The following FHIT variants were observed in gnomAD, a reference collection of about 807,000 sequenced individuals.
FHIT encodes fragile histidine triad diadenosine triphosphatase, also known as bis(5'-adenosyl)-triphosphatase.
Under a neutral mutation model 17.9 loss-of-function variants are expected in FHIT, and 19 were observed. The ratio of observed to expected loss-of-function variants is 1.06; its 90% CI spans 0.74 to 1.56. The LOEUF (loss-of-function observed/expected upper bound fraction) is 1.56, where lower values mean the gene tolerates loss of function less well. Ranked by LOEUF, FHIT falls within the 40% of genes most tolerant of loss-of-function variation. The pLI, the probability that FHIT is intolerant of heterozygous loss-of-function variation, is 0.00. For synonymous variants in FHIT, 81 were observed against 69.7 expected, an observed-to-expected ratio of 1.16 and a Z score of -0.81; for missense variants, 248 against 189.2, an observed-to-expected ratio of 1.31 and a Z score of -1.82.
At chr3:60,471,458 T>C (rs2033085371) in intron 5 of FHIT, among the ~76,000 whole-genome samples, 1 of 152,186 alleles carries the variant, frequency 6.6e-6, no homozygotes, top group Non-Finnish European at 1.5e-5. Flanking sequence ...TGCTGAGTTC[T>C]TCCTGGTGTT....
At chr3:60,030,218 AC>A (rs1047682396) in intron 5 of FHIT, among the ~76,000 whole-genome samples, 124 of 152,298 alleles carry the variant, frequency 8.1e-4, no homozygotes, top group Middle Eastern at 3.4e-3. Context: ...TAACATCAAT[AC>A]CATGCATGTT....
At chr3:61,036,996 C>A (rs1282490049) in intron 3 of FHIT, among the ~76,000 whole-genome samples, 1 of 151,288 alleles carries the variant, frequency 6.6e-6, no homozygotes, top group Non-Finnish European at 1.5e-5. Context: ...ACTGCAAGCT[C>A]CGCCTCCCGA....
At chr3:60,595,873 A>AGGAGTGTGTGAG (rs1193772671) in intron 4 of FHIT, among the ~76,000 whole-genome samples, 4 of 151,914 alleles carry the variant, frequency 2.6e-5, no homozygotes, top group Non-Finnish European at 4.4e-5. Flanking sequence ...CCTGGCCTTA[A>AGGAGTGTGTGAG]GAGATCCTCC....
chr3:59,794,930 T>A (rs1191834964), intron 8 of FHIT, among the ~76,000 whole-genome samples: 1 of 152,174 alleles, frequency 6.6e-6, no homozygotes, highest in East Asian at 1.9e-4. Context: ...AGCAGTATGA[T>A]CTTAGATAAG....
chr3:60,940,752 G>A (rs1708377076), intron 3 of FHIT, among the ~76,000 whole-genome samples: 1 of 152,246 alleles, frequency 6.6e-6, no homozygotes, highest in East Asian at 1.9e-4. Context: ...AAATGCTCTG[G>A]AAGTTATGAA....
At chr3:61,040,750 G>C (rs2033467963) in intron 3 of FHIT, among the ~76,000 whole-genome samples, 1 of 152,166 alleles carries the variant, frequency 6.6e-6, no homozygotes, top group Admixed American at 6.5e-5. Context: ...AACACTTTCA[G>C]ACATCCCATC....
chr3:60,027,138 C>A (rs201354356), intron 5 of FHIT, among the ~76,000 whole-genome samples: 25,189 of 118,434 alleles, frequency 0.21, 3,003 homozygotes, highest in East Asian at 0.34. Flanking sequence ...CACACACACA[C>A]ACACACACAC....
chr3:59,763,742 T>G (rs1701646268), intron 8 of FHIT, among the ~76,000 whole-genome samples: 1 of 58,828 alleles, frequency 1.7e-5, no homozygotes, highest in African/African-American at 4.5e-5. Flanking sequence ...AGCTGAGGAG[T>G]GGCAAGTGCA....
chr3:59,749,831 T>G (rs186177683), intron 9 of FHIT: 16 of 225,612 alleles, frequency 7.1e-5, no homozygotes, highest in African/African-American at 2.9e-4. Context: ...AAGGGAGGTA[T>G]AGTTAGTCCC....
chr3:59,835,868 C>T (rs147643178), intron 8 of FHIT, among the ~76,000 whole-genome samples: 89 of 152,128 alleles, frequency 5.9e-4, no homozygotes, highest in Non-Finnish European at 7.1e-4. Flanking sequence ...TTTGGCCAAG[C>T]GGTACATTAC....
intron 5 of FHIT, among the ~76,000 whole-genome samples, chr3:60,497,939 A>G (rs539962701): frequency 6.6e-6 from 1 of 152,256 alleles, no homozygotes; most frequent in African/African-American, 2.4e-5. Context: ...AGTGCAGAGG[A>G]TGGCAAACTT....
intron 2 of FHIT, among the ~76,000 whole-genome samples, chr3:61,070,045 G>A (rs574624117): frequency 2.0e-4 from 30 of 152,194 alleles, no homozygotes; most frequent in African/African-American, 5.1e-4. Context: ...TGAGTAGCAC[G>A]CCTGGCTGGC....
At position 60,177,021 on chromosome 3, in the gene FHIT, G is replaced by GA. The variant is rs200966097; in HGVS notation, c.104-162870dup. ...AAAAATACAACATAAAATTGTGGGAGAAAAAAAAATGCTCATAGGGAGACT... is the reference window on the plus strand; with the variant it reads ...AAAAATACAACATAAAATTGTGGGAGAAAAAAAAAATGCTCATAGGGAGACT... On this transcript the variant is annotated intron_variant, in intron 5 of 9. Transcript: ENST00000492590. 7.4e-3 allele frequency among the ~76,000 whole-genome samples: 1,122 copies of GA among 150,698 alleles called. 18 individuals are homozygous for GA. The highest frequency in any genetic ancestry group is 0.026 in the African/African-American group (1,066 of 41,128).
rs141344366 is a variant in FHIT at position 60,676,769 on chromosome 3, G to A, written c.-17-139790C>T. ...AAATCCTCATCTATAATCTTCAAATGCAAGAAGGAACCAGGAGGTGCCATT... is the reference window on the plus strand; with the variant it reads ...AAATCCTCATCTATAATCTTCAAATACAAGAAGGAACCAGGAGGTGCCATT... On this transcript the variant is annotated intron_variant, in intron 4 of 9. Coordinates refer to ENST00000492590, the MANE Select transcript of FHIT (RefSeq NM_002012.4). Among the ~76,000 whole-genome samples the A allele has an allele frequency of 2.9e-3, 446 of 152,260 alleles. 1 individual carries two copies. Among genetic ancestry groups the A allele is most frequent in the African/African-American group, 0.01 (430 of 41,546 alleles).
At chr3:59,981,016 T>C (rs78595903) in intron 7 of FHIT, among the ~76,000 whole-genome samples, 1,736 of 152,226 alleles carry the variant, frequency 0.011, 33 homozygotes, top group African/African-American at 0.039. Context: ...AAAGTATCTA[T>C]AGACAAAGCA....
intron 8 of FHIT, among the ~76,000 whole-genome samples, chr3:59,823,900 G>C (rs1365173658): frequency 6.6e-6 from 1 of 152,208 alleles, no homozygotes; most frequent in Non-Finnish European, 1.5e-5. Flanking sequence ...TAAAGAGGAA[G>C]TCAAACTGTC....
At chr3:60,994,765 G>A (rs1417622134) in intron 3 of FHIT, among the ~76,000 whole-genome samples, 1 of 152,110 alleles carries the variant, frequency 6.6e-6, no homozygotes, top group Admixed American at 6.5e-5. Flanking sequence ...GTCCTAGCAA[G>A]CAAGCCGCAC....
intron 5 of FHIT, among the ~76,000 whole-genome samples, chr3:60,438,388 C>G (rs76921419): frequency 6.6e-5 from 10 of 151,972 alleles, no homozygotes; most frequent in Non-Finnish European, 1.5e-4. Flanking sequence ...CTTTCCACCT[C>G]CTTATGAATA....
At chr3:60,704,970 A>G (rs2041337432) in intron 4 of FHIT, among the ~76,000 whole-genome samples, 1 of 152,080 alleles carries the variant, frequency 6.6e-6, no homozygotes, top group South Asian at 2.1e-4. Context: ...CCAAGAGATA[A>G]ATAAACATCC....
Sources: allele counts gnomAD v4.1 joint callset (sites outside exome capture counted in the v4.1 genomes callset), GRCh38; gene constraint gnomAD v4.1.1; transcripts MANE v1.5; gene names NCBI Gene and HGNC (gene_info 2026-07-23, HGNC 2026-07-21).